The following MTRF1 variants were observed in gnomAD, a reference collection of about 807,000 sequenced individuals.
MTRF1 encodes the protein mitochondrial translation release factor 1.
A neutral mutation model predicts 62.9 loss-of-function variants in MTRF1; 51 were observed. The observed-to-expected ratio is 0.81, with a 90% CI of 0.65 to 1.02. The LOEUF (loss-of-function observed/expected upper bound fraction) is 1.02. Ranked by LOEUF, MTRF1 falls within the 50% of genes least tolerant of loss-of-function variation. The probability of loss-of-function intolerance (pLI) is 0.00; values close to 1 mark genes in which losing one functional copy is unlikely to be tolerated. For missense variants in MTRF1, 446 were observed against 530.0 expected (o/e 0.84, Z 1.56); for synonymous variants, 158 against 181.9 (o/e 0.87, Z 1.06).
At chr13:41,294,859 C>T in the MTRF1 span, among the ~76,000 whole-genome samples, 327 of 152,262 alleles carry the variant, frequency 2.1e-3, no homozygotes, top group African/African-American at 7.5e-3. Context: ...AAAGATTGAG[C>T]TTTGATATTA....
intron 2 of MTRF1, 39 bp from the exon 3 acceptor site, chr13:41,254,659 ATACT>A: frequency 1.3e-6 from 2 of 1,500,306 alleles, no homozygotes; most frequent in Non-Finnish European, 1.8e-6. Flanking sequence ...AAGTTTTTAA[ATACT>A]TACAGAGAAA....
At chr13:41,297,360 C>T in the MTRF1 span, among the ~76,000 whole-genome samples, 2 of 152,160 alleles carry the variant, frequency 1.3e-5, no homozygotes, top group East Asian at 3.8e-4. Flanking sequence ...CTTACAATCT[C>T]CAAGGTTTCA....
chr13:41,266,337 C>T (rs114452969), upstream of MTRF1, among the ~76,000 whole-genome samples: 2,147 of 152,182 alleles, frequency 0.014, 53 homozygotes, highest in African/African-American at 0.048. Flanking sequence ...TCGGGCTGGG[C>T]GTGGTGGCTC....
At chr13:41,254,872 T>G (rs1350839520) in intron 2 of MTRF1, among the ~76,000 whole-genome samples, 1 of 151,906 alleles carries the variant, frequency 6.6e-6, no homozygotes, top group Non-Finnish European at 1.5e-5. Flanking sequence ...AAAGGTAAAA[T>G]AGCTTAAAAC....
the MTRF1 span, among the ~76,000 whole-genome samples, chr13:41,305,401 C>T: frequency 1.3e-5 from 2 of 152,164 alleles, no homozygotes; most frequent in Non-Finnish European, 2.9e-5. Flanking sequence ...ATGTAACTTG[C>T]CTTCTGAAAA....
chr13:41,252,970 T>C lies in MTRF1; in HGVS notation c.568A>G (p.Thr190Ala). The C allele has an allele frequency of 6.2e-7, 1 of 1,606,638 alleles. No individual in the cohort carries two copies. Among genetic ancestry groups the C allele is most frequent in the Non-Finnish European group, 8.5e-7 (1 of 1,176,908 alleles). ...YDKNDVILEV[T>A]AGRTTGGDIC... is the part of the protein sequence containing the mutation. ...TGACCTCCAGTAGTCCTTCCAGCTG[T>C]CACCTCTAAAATAACATCATTTTTG... Residue 190 changes from threonine to alanine, a missense_variant, in exon 4 of 10, where the codon ACA (threonine) becomes GCA (alanine). Coordinates refer to ENST00000379480, the MANE Select transcript of MTRF1 (RefSeq NM_004294.4).
chr13:41,281,035 T>C, the MTRF1 span, among the ~76,000 whole-genome samples: 8 of 152,288 alleles, frequency 5.3e-5, no homozygotes, highest in African/African-American at 1.7e-4. Flanking sequence ...TTGGTAAGAA[T>C]TGTATATCAT....
chr13:41,268,329 GGATT>G (rs1224340142), upstream of MTRF1, among the ~76,000 whole-genome samples: 3 of 152,062 alleles, frequency 2.0e-5, no homozygotes, highest in African/African-American at 7.2e-5. Context: ...ATATCTTAAA[GGATT>G]AATTAGATCA....
chr13:41,253,989 G>C (rs538326738), intron 3 of MTRF1, among the ~76,000 whole-genome samples: 1 of 152,304 alleles, frequency 6.6e-6, no homozygotes, highest in Admixed American at 6.5e-5. Flanking sequence ...AATGAAAAGA[G>C]ACCACTATGG....
At chr13:41,271,152 CA>C in the MTRF1 span, among the ~76,000 whole-genome samples, 1 of 151,948 alleles carries the variant, frequency 6.6e-6, no homozygotes, top group African/African-American at 2.4e-5. Flanking sequence ...CACTGGCTTG[CA>C]AAAAACCTGT....
At chr13:41,268,058 A>G (rs2139250625), upstream of MTRF1, among the ~76,000 whole-genome samples, 1 of 152,306 alleles carries the variant, frequency 6.6e-6, no homozygotes, top group East Asian at 1.9e-4. Context: ...ATATTAAGCA[A>G]TTCTTAAACA....
the MTRF1 span, among the ~76,000 whole-genome samples, chr13:41,301,674 G>C: frequency 6.6e-6 from 1 of 152,112 alleles, no homozygotes; most frequent in Non-Finnish European, 1.5e-5. Flanking sequence ...CTTGAACCCA[G>C]GAGGTGGAGG....
chr13:41,218,005 G>A (rs796571736), intron 9 of MTRF1, among the ~76,000 whole-genome samples: 1 of 152,188 alleles, frequency 6.6e-6, no homozygotes, highest in South Asian at 2.1e-4. Context: ...AATGGTTCAA[G>A]AGCAACACAG....
chr13:41,224,487 G>A (rs568932492), intron 8 of MTRF1, among the ~76,000 whole-genome samples: 2 of 152,256 alleles, frequency 1.3e-5, no homozygotes, highest in South Asian at 4.1e-4. Flanking sequence ...TTAAATTATG[G>A]ATTCCTAAGC....
intron 5 of MTRF1, among the ~76,000 whole-genome samples, chr13:41,242,912 C>T (rs922215407): frequency 5.3e-5 from 8 of 152,002 alleles, no homozygotes; most frequent in African/African-American, 1.9e-4. Context: ...AGTCAAACTC[C>T]ATCTCTACAA....
chr13:41,235,563 T>C (rs548263608), intron 6 of MTRF1: 8 of 152,272 alleles, frequency 5.3e-5, no homozygotes, highest in African/African-American at 1.7e-4. Context: ...CAATGACAAG[T>C]GTCCTTATAA....
the MTRF1 span, among the ~76,000 whole-genome samples, chr13:41,278,817 C>T: frequency 1.3e-5 from 2 of 152,092 alleles, no homozygotes; most frequent in Non-Finnish European, 2.9e-5. Flanking sequence ...AATTCTAAGG[C>T]CTTCCAGCCA....
the MTRF1 span, among the ~76,000 whole-genome samples, chr13:41,292,121 A>AAG: frequency 6.6e-6 from 1 of 152,084 alleles, no homozygotes; most frequent in Non-Finnish European, 1.5e-5. Context: ...AAGCTGAAAG[A>AAG]AGAGAGAGAG....
At chr13:41,226,973 T>C (rs1430328516) in intron 7 of MTRF1, among the ~76,000 whole-genome samples, 2 of 152,102 alleles carry the variant, frequency 1.3e-5, no homozygotes, top group African/African-American at 4.8e-5. Context: ...GTCACAAATA[T>C]ACACAGAGCT....
Sources: gnomAD v4.1 joint callset for allele counts (sites outside exome capture counted in the v4.1 genomes callset) on GRCh38, gnomAD v4.1.1 for gene constraint, MANE v1.5 for transcripts, NCBI Gene and HGNC (gene_info 2026-07-23, HGNC 2026-07-21) for gene names.